Variants in TSNARE1 observed in about 807,000 individuals in gnomAD.
TSNARE1 encodes the protein t-SNARE domain-containing protein 1.
TSNARE1 carries 49 observed loss-of-function variants against 62.0 expected under a neutral mutation model. That is an observed-to-expected ratio of 0.79 (90% CI 0.63 to 1.00). TSNARE1 has a LOEUF of 1.00. Among genes scored for constraint, TSNARE1 ranks in the 50% least tolerant of loss-of-function variants. The pLI, the probability that TSNARE1 is intolerant of heterozygous loss-of-function variation, is 0.00. For missense variants in TSNARE1, 755 were observed against 700.1 expected, an observed-to-expected ratio of 1.08 and a Z score of -0.88; for synonymous variants, 328 against 294.4, an observed-to-expected ratio of 1.11 and a Z score of -1.17.
rs540514693 is a variant in TSNARE1, at chr8:142,360,704, G to A, written c.-39-5941C>T. ...TTTGCAGGGCGCCGGGGGAAGCGGC[G>A]GTGCCAGGGAACACCCACCTCAGGC... is the stretch of plus-strand genomic sequence containing the variant. On this transcript the variant is annotated intron_variant, in intron 1 of 13. Coordinates refer to ENST00000524325, the MANE Select transcript of TSNARE1 (RefSeq NM_145003.5). Among the ~76,000 whole-genome samples the A allele has an allele frequency of 6.6e-5, 10 of 152,222 alleles. No individual in the cohort carries two copies. The South Asian group carries it at 1.0e-3, about 16-fold the overall frequency.
At chr8:142,392,582 C>T (rs943106374) in intron 1 of TSNARE1, among the ~76,000 whole-genome samples, 2 of 152,162 alleles carry the variant, frequency 1.3e-5, no homozygotes, top group Non-Finnish European at 2.9e-5. Context: ...CAGGTCCACC[C>T]TCGTCTATGC....
intron 11 of TSNARE1, among the ~76,000 whole-genome samples, chr8:142,284,199 T>C (rs1822291309): frequency 6.6e-6 from 1 of 152,094 alleles, no homozygotes; most frequent in South Asian, 2.1e-4. Context: ...CCAGTGTCAA[T>C]GAGCGGAGCA....
chr8:142,357,654 C>G (rs1834851218), intron 1 of TSNARE1, among the ~76,000 whole-genome samples: 1 of 152,116 alleles, frequency 6.6e-6, no homozygotes, highest in Non-Finnish European at 1.5e-5. Flanking sequence ...TTGACTTCCT[C>G]GTGCCAGAAA....
chr8:142,286,268 C>A lies in TSNARE1; in HGVS notation c.1291-1783G>T, dbSNP rs897461676. Among the ~76,000 whole-genome samples the A allele has an allele frequency of 2.0e-5, 3 of 152,212 alleles. No homozygotes were observed. The South Asian group carries it at 6.2e-4, about 32-fold the overall frequency. ...AGGCCTGCCGTGACCCCTGCCCTGG[C>A]ACACCCGTCCAGTCAGCAGCTCATT... is the stretch of plus-strand genomic sequence containing the variant. On this transcript the variant is annotated intron_variant, in intron 10 of 13. Coordinates refer to ENST00000524325, the MANE Select transcript of TSNARE1 (RefSeq NM_145003.5).
intron 4 of TSNARE1, among the ~76,000 whole-genome samples, chr8:142,341,237 C>G (rs973857633): frequency 6.6e-5 from 10 of 152,192 alleles, no homozygotes; most frequent in African/African-American, 2.4e-4. Context: ...TGAGAGTGCC[C>G]TCAAGTGCCC....
Position 142,331,654 on chromosome 8 carries a change from C to T in TSNARE1, c.823+100G>A, listed in dbSNP as rs1021697748. ...AACCCGGGACTGCACCGCAGGATGGCCTGAGGGGGGAAGCCATCCAGCACC... is the reference window on the plus strand; with the variant it reads ...AACCCGGGACTGCACCGCAGGATGGTCTGAGGGGGGAAGCCATCCAGCACC... On this transcript the variant is annotated intron_variant, in intron 5 of 13. Coordinates refer to ENST00000524325, the MANE Select transcript of TSNARE1 (RefSeq NM_145003.5). 2.4e-5 allele frequency: 29 copies of T among 1,190,312 alleles called. No homozygotes were observed. The Admixed American group carries it at 3.4e-4, about 14-fold the overall frequency. The allele number at this position is 1,190,312 out of a possible 1,614,324, so 73.7% of individuals were successfully genotyped here.
chr8:142,277,469 C>T, intron 11 of TSNARE1: 2 of 985,466 alleles, frequency 2.0e-6, no homozygotes, highest in Non-Finnish European at 2.4e-6. Context: ...CCTGCCCAAA[C>T]CCCAGGCAGT....
chr8:142,373,119 CCT>C (rs1836031152), intron 1 of TSNARE1, among the ~76,000 whole-genome samples: 1 of 152,218 alleles, frequency 6.6e-6, no homozygotes. Context: ...TCTCCCTCAG[CCT>C]CTGTCTCTGG....
chr8:142,346,601 C>G (rs1473589758), intron 2 of TSNARE1, among the ~76,000 whole-genome samples: 2 of 152,262 alleles, frequency 1.3e-5, no homozygotes, highest in Non-Finnish European at 2.9e-5. Flanking sequence ...CCGTGTGCGC[C>G]AGGCTGAGGC....
intron 12 of TSNARE1, among the ~76,000 whole-genome samples, chr8:142,237,261 T>C (rs989957107): frequency 7.9e-5 from 12 of 152,362 alleles, no homozygotes; most frequent in African/African-American, 2.6e-4. Flanking sequence ...TTCCTCTGCC[T>C]GCTGTTCCTT....
chr8:142,322,419 A>G (rs1314648434), intron 6 of TSNARE1, among the ~76,000 whole-genome samples: 1 of 152,230 alleles, frequency 6.6e-6, no homozygotes, highest in African/African-American at 2.4e-5. Flanking sequence ...AAGTTTACCT[A>G]GGAATAAGGG....
At chr8:142,217,892 G>A (rs895569887) in intron 13 of TSNARE1, among the ~76,000 whole-genome samples, 50 of 18,136 alleles carry the variant, frequency 2.8e-3, no homozygotes, top group African/African-American at 3.5e-3. Context: ...AGGGCTCAGT[G>A]TGTGACCAGG....
chr8:142,303,551 G>A (rs989635047), intron 9 of TSNARE1, among the ~76,000 whole-genome samples: 4 of 152,226 alleles, frequency 2.6e-5, no homozygotes, highest in Non-Finnish European at 4.4e-5. Flanking sequence ...ACACCCATGG[G>A]GGGCCCATGG....
intron 11 of TSNARE1, chr8:142,276,631 G>A: frequency 2.0e-6 from 2 of 985,424 alleles, no homozygotes; most frequent in Non-Finnish European, 2.4e-6. Flanking sequence ...TCTGCCCCGT[G>A]ACCACACGCA....
At chr8:142,216,339 G>T (rs1815836992) in intron 13 of TSNARE1, among the ~76,000 whole-genome samples, 1 of 152,214 alleles carries the variant, frequency 6.6e-6, no homozygotes, top group Admixed American at 6.5e-5. Context: ...GGGGCTGGGG[G>T]TGTGGGGCTG....
chr8:142,251,370 G>C (rs1818154962), intron 12 of TSNARE1, among the ~76,000 whole-genome samples: 2 of 143,616 alleles, frequency 1.4e-5, no homozygotes, highest in Non-Finnish European at 3.0e-5. Context: ...AAAGAGACTT[G>C]GTTCATCCTT....
At chr8:142,249,822 C>G (rs927699600) in intron 12 of TSNARE1, among the ~76,000 whole-genome samples, 7 of 152,232 alleles carry the variant, frequency 4.6e-5, no homozygotes, top group Non-Finnish European at 1.0e-4. Context: ...TTCGAGAGAG[C>G]TGGGGTCCCA....
chr8:142,244,912 A>G (rs1347227407), intron 12 of TSNARE1, among the ~76,000 whole-genome samples: 1 of 152,292 alleles, frequency 6.6e-6, no homozygotes. Flanking sequence ...CAACACGTGT[A>G]GACTCAGAGA....
chr8:142,284,413 C>T lies in TSNARE1; in HGVS notation c.1363G>A (p.Asp455Asn). 3 of 1,612,874 alleles carry T rather than the reference C, an allele frequency of 1.9e-6. No homozygotes were observed. Among genetic ancestry groups the T allele is most frequent in the Non-Finnish European group, 2.5e-6 (3 of 1,179,708 alleles). Residue 455 changes from aspartate to asparagine, a missense_variant and splice_region_variant, in exon 11 of 14, where the codon GAT becomes AAT. Asp to Asn is a conservative substitution (Grantham distance 23). Coordinates refer to ENST00000524325, the MANE Select transcript of TSNARE1 (RefSeq NM_145003.5). ...SMVSEQGEAV[D>N]SIEASLEAAS... ...GCCCGAGGCTGGGGCGGGTACCCAC[C>T]AACAGCTTCTCCTTGCTCTGACACC...
Sources: allele counts gnomAD v4.1 joint callset (sites outside exome capture counted in the v4.1 genomes callset), GRCh38; gene constraint gnomAD v4.1.1; transcripts MANE v1.5; gene names NCBI Gene and HGNC (gene_info 2026-07-23, HGNC 2026-07-21).